ARL15: variants seen among roughly 807,000 people sequenced by gnomAD.
ARL15 encodes ARF like GTPase 15.
ARL15 carries 19 observed loss-of-function variants against 25.2 expected under a neutral mutation model. The observed-to-expected ratio is 0.75, with a 90% CI of 0.53 to 1.10. The LOEUF is 1.10. ARL15 is among the 50% of genes least tolerant of loss of function. The probability of loss-of-function intolerance (pLI) is 0.00; values close to 1 mark genes in which losing one functional copy is unlikely to be tolerated. For missense variants in ARL15, 220 were observed against 246.0 expected, an observed-to-expected ratio of 0.89 and a Z score of 0.71; for synonymous variants, 94 against 86.8, an observed-to-expected ratio of 1.08 and a Z score of -0.46.
intron 1 of ARL15, among the ~76,000 whole-genome samples, chr5:54,229,970 G>A (rs1469331746): frequency 1.3e-5 from 2 of 152,186 alleles, no homozygotes; most frequent in Non-Finnish European, 2.9e-5. Context: ...GGGAGTAAAG[G>A]AGACTGAGGA....
intron 4 of ARL15, among the ~76,000 whole-genome samples, chr5:53,981,900 C>CAAAAAAAAA (rs553509243): frequency 1.5e-3 from 215 of 144,660 alleles, no homozygotes; most frequent in African/African-American, 5.2e-3. Context: ...AACTCTGTCT[C>CAAAAAAAAA]AAAAAAAAAG....
intron 4 of ARL15, among the ~76,000 whole-genome samples, chr5:53,953,803 CATA>C (rs1488740818): frequency 1.3e-5 from 2 of 152,116 alleles, no homozygotes; most frequent in Non-Finnish European, 2.9e-5. Context: ...TCTGATCCAT[CATA>C]ATATCTATTT....
chr5:54,164,805 A>T (rs1754518606), intron 2 of ARL15, among the ~76,000 whole-genome samples: 1 of 152,140 alleles, frequency 6.6e-6, no homozygotes, highest in East Asian at 1.9e-4. Context: ...TTTTTAAAAA[A>T]ATCTATTATA....
chr5:54,017,925 T>G (rs1561190676), intron 4 of ARL15, among the ~76,000 whole-genome samples: 1 of 151,982 alleles, frequency 6.6e-6, no homozygotes, highest in Non-Finnish European at 1.5e-5. Flanking sequence ...AACCACCACA[T>G]TACTAGATAG....
chr5:54,118,429 T>C (rs970893395), intron 3 of ARL15, among the ~76,000 whole-genome samples: 1 of 152,180 alleles, frequency 6.6e-6, no homozygotes, highest in Non-Finnish European at 1.5e-5. Context: ...TTGATTTTCA[T>C]TAAAAATGTT....
intron 1 of ARL15, among the ~76,000 whole-genome samples, chr5:54,201,516 A>G (rs1206694014): frequency 2.6e-5 from 4 of 151,952 alleles, no homozygotes; most frequent in African/African-American, 9.7e-5. Flanking sequence ...CTTCTCCTCC[A>G]CCATCCCCCA....
chr5:54,222,673 G>A (rs571721920), intron 1 of ARL15, among the ~76,000 whole-genome samples: 29 of 152,260 alleles, frequency 1.9e-4, no homozygotes, highest in African/African-American at 7.0e-4. Context: ...TTCCACTCTC[G>A]GGTTCTCTTG....
At chr5:53,971,474 G>T (rs1261006116) in intron 4 of ARL15, among the ~76,000 whole-genome samples, 1 of 152,128 alleles carries the variant, frequency 6.6e-6, no homozygotes, top group Non-Finnish European at 1.5e-5. Context: ...AAAATACTCA[G>T]AAGTGACCAA....
intron 4 of ARL15, among the ~76,000 whole-genome samples, chr5:53,950,183 C>T (rs763880308): frequency 4.1e-4 from 62 of 151,852 alleles, no homozygotes; most frequent in Admixed American, 1.6e-3. Context: ...AATCCCAGCA[C>T]TCTGAGAGGC....
At position 53,886,043 on chromosome 5, in the gene ARL15, T is replaced by C. The variant is rs775232034; in HGVS notation, c.*518A>G. 1 of 151,712 alleles carries C rather than the reference T, an allele frequency of 6.6e-6. No individual in the cohort carries two copies. Among genetic ancestry groups the C allele is most frequent in the Non-Finnish European group, 1.5e-5 (1 of 67,968 alleles). 9.4% of individuals were successfully genotyped at this position (151,712 alleles called of 1,614,324 possible). On this transcript the variant is annotated 3_prime_UTR_variant, in exon 5 of 5. Transcript: ENST00000504924. ...TTAATGAAGTTTTTGGTGCTCACTTTTCTCTCATAGTCTATAAGCTCAGTA... is the reference window on the plus strand; with the variant it reads ...TTAATGAAGTTTTTGGTGCTCACTTCTCTCTCATAGTCTATAAGCTCAGTA...
At chr5:53,965,830 G>A (rs1747541411) in intron 4 of ARL15, among the ~76,000 whole-genome samples, 1 of 152,054 alleles carries the variant, frequency 6.6e-6, no homozygotes, top group Non-Finnish European at 1.5e-5. Flanking sequence ...AATGGACTGA[G>A]ATACCATTTT....
At chr5:54,121,111 GT>G (rs752160069) in intron 3 of ARL15, among the ~76,000 whole-genome samples, 3 of 152,110 alleles carry the variant, frequency 2.0e-5, no homozygotes, top group Non-Finnish European at 4.4e-5. Context: ...ATGTTCAAAA[GT>G]GGAATAGTAA....
chr5:54,253,122 C>G (rs991871371), intron 1 of ARL15, among the ~76,000 whole-genome samples: 1 of 151,982 alleles, frequency 6.6e-6, no homozygotes, highest in Non-Finnish European at 1.5e-5. Context: ...ACAAAAATAA[C>G]ATTGATTATT....
intron 3 of ARL15, among the ~76,000 whole-genome samples, chr5:54,150,717 G>C (rs1754039280): frequency 6.6e-6 from 1 of 152,022 alleles, no homozygotes; most frequent in Admixed American, 6.6e-5. Context: ...AGAATTACTT[G>C]AACCCATGAG....
At chr5:53,887,354 C>CTTTTTTTTTTTTTT in intron 4 of ARL15, 1 of 693,516 alleles carries the variant, frequency 1.4e-6, no homozygotes, top group Non-Finnish European at 2.6e-6. Flanking sequence ...AATCTTCTAC[C>CTTTTTTTTTTTTTT]TTTTTTTTTC....
chr5:53,980,471 G>A (rs1664781), intron 4 of ARL15, among the ~76,000 whole-genome samples: 109,958 of 152,102 alleles, frequency 0.72, 39,988 homozygotes, highest in East Asian at 0.87. Context: ...AATTTTAAGC[G>A]CTAAACTATA....
rs1168155042 is a variant in ARL15 at position 54,198,594 on chromosome 5, G to A, written c.49-26666C>T. ...CCTAGGAATCCACCTTACAAGGGAC[G>A]TGAAGGACCTCTTCAAGGAGAACTA... On this transcript the variant is annotated intron_variant, in intron 1 of 4. Transcript: ENST00000504924. 5.5e-4 allele frequency among the ~76,000 whole-genome samples: 82 copies of A among 148,750 alleles called. 1 individual carries two copies. Among genetic ancestry groups the A allele is most frequent in the African/African-American group, 1.7e-3 (66 of 39,644 alleles).
chr5:54,041,335 G>A (rs569248213), intron 4 of ARL15, among the ~76,000 whole-genome samples: 2 of 152,264 alleles, frequency 1.3e-5, no homozygotes, highest in East Asian at 1.9e-4. Context: ...TTACTTTATT[G>A]ACAATGGTTC....
chr5:53,907,362 T>C (rs1745279979), intron 4 of ARL15, among the ~76,000 whole-genome samples: 1 of 149,268 alleles, frequency 6.7e-6, no homozygotes, highest in Non-Finnish European at 1.5e-5. Context: ...TTGACAAATG[T>C]GTAGGTGAGC....
Sources: gnomAD v4.1 joint callset for allele counts (sites outside exome capture counted in the v4.1 genomes callset) on GRCh38, gnomAD v4.1.1 for gene constraint, MANE v1.5 for transcripts, NCBI Gene and HGNC (gene_info 2026-07-23, HGNC 2026-07-21) for gene names.